ZFHX3: variants seen among roughly 807,000 people sequenced by gnomAD.
The protein encoded by ZFHX3 is zinc finger homeobox protein 3.
A neutral mutation model predicts 279.1 loss-of-function variants in ZFHX3; 42 were observed. The ratio of observed to expected loss-of-function variants is 0.15; its 90% CI spans 0.12 to 0.19. ZFHX3 has a LOEUF of 0.19. Ranked by LOEUF, ZFHX3 falls within the 10% of genes least tolerant of loss-of-function variation. The pLI, the probability that ZFHX3 is intolerant of heterozygous loss-of-function variation, is 1.00. For synonymous variants in ZFHX3, 2,293 were observed against 1,957.8 expected (o/e 1.17, Z -4.52); for missense variants, 4,981 against 4,754.0 (o/e 1.05, Z -1.40).
At chr16:73,619,873 A>G (rs1775325260) in intron 2 of ZFHX3, among the ~76,000 whole-genome samples, 1 of 152,100 alleles carries the variant, frequency 6.6e-6, no homozygotes, top group African/African-American at 2.4e-5. Flanking sequence ...GTCTCCATAA[A>G]CCTTACTATT....
chr16:72,795,954 C>T lies in ZFHX3; in HGVS notation c.6728G>A (p.Arg2243Lys), dbSNP rs966139814. Residue 2243 changes from arginine to lysine, a missense_variant, in exon 9 of 10, where the codon AGG (arginine) becomes AAG (lysine). This residue lies in a region of ZFHX3 where 177 missense variants were observed against 244.2 expected (regional missense o/e 0.72). Transcript: ENST00000268489. ...GTCCGTAAACCTTGTTCTTGAAGACCTCTTGCTTCCCCAGTACTCCTGCTT... is the reference window on the plus strand; with the variant it reads ...GTCCGTAAACCTTGTTCTTGAAGACTTCTTGCTTCCCCAGTACTCCTGCTT... ...PPKQEYWGSK[R>K]SSRTRFTDYQ... 1 of 1,614,180 alleles carries T rather than the reference C, an allele frequency of 6.2e-7. No homozygotes were observed.
chr16:72,800,083 G>T lies in ZFHX3; in HGVS notation c.3911C>A (p.Ala1304Glu). 6.2e-7 allele frequency: 1 copy of T among 1,614,194 alleles called. No homozygotes were observed. Among genetic ancestry groups the T allele is most frequent in the Non-Finnish European group, 8.5e-7 (1 of 1,180,038 alleles). The change falls in exon 8 of 10, where the codon GCA becomes GAA. Residue 1304 changes from alanine to glutamate, a missense_variant. By Grantham distance (107) the Ala-to-Glu change is moderately radical. Transcript: ENST00000268489. ...MVMPSSMFLP[A>E]AVPDRDGNSN... ...ATTCCCATCTCGATCTGGAACAGCT[G>T]CTGGGAGGAACATGCTGCTTGGCAT...
chr16:73,360,246 G>C (rs769338696), intron 3 of ZFHX3, among the ~76,000 whole-genome samples: 1 of 152,208 alleles, frequency 6.6e-6, no homozygotes, highest in Admixed American at 6.5e-5. Flanking sequence ...CGTGAGTTGC[G>C]TATAGACTAA....
intron 1 of ZFHX3, among the ~76,000 whole-genome samples, chr16:73,841,407 C>T (rs1358409518): frequency 2.0e-5 from 3 of 152,048 alleles, no homozygotes; most frequent in South Asian, 4.2e-4. Flanking sequence ...GGAGACATGG[C>T]GGACCAGGAA....
At chr16:73,606,386 T>C (rs1037615596) in intron 2 of ZFHX3, among the ~76,000 whole-genome samples, 2 of 150,746 alleles carry the variant, frequency 1.3e-5, no homozygotes, top group African/African-American at 4.9e-5. Flanking sequence ...CTCAGGAGGC[T>C]GAGGCAGGAG....
intron 1 of ZFHX3, among the ~76,000 whole-genome samples, chr16:73,778,872 G>A (rs1299941483): frequency 6.6e-6 from 1 of 152,184 alleles, no homozygotes; most frequent in Non-Finnish European, 1.5e-5. Flanking sequence ...TTCATATTAG[G>A]GAGCATCTGG....
chr16:73,890,070 T>C (rs1441791389), intron 1 of ZFHX3, among the ~76,000 whole-genome samples: 3 of 152,138 alleles, frequency 2.0e-5, no homozygotes, highest in Admixed American at 2.0e-4. Context: ...TTGTCTATAC[T>C]CTAGGAAGTC....
chr16:72,821,377 T>G (rs1217661766), intron 5 of ZFHX3, among the ~76,000 whole-genome samples: 3 of 152,178 alleles, frequency 2.0e-5, no homozygotes, highest in African/African-American at 4.8e-5. Context: ...TACAGAGAGA[T>G]AGACACCCTA....
At chr16:73,784,804 T>TACACAC (rs1567409719) in intron 1 of ZFHX3, among the ~76,000 whole-genome samples, 1 of 125,530 alleles carries the variant, frequency 8.0e-6, no homozygotes. Context: ...AAAATATATA[T>TACACAC]ATATATATAT....
At chr16:72,848,550 C>G (rs146944190) in intron 4 of ZFHX3, among the ~76,000 whole-genome samples, 3 of 152,252 alleles carry the variant, frequency 2.0e-5, no homozygotes, top group African/African-American at 7.2e-5. Context: ...TCTGGGCTGT[C>G]ACCTTCACTG....
chr16:72,928,268 C>CGGGTAGG (rs1959597986), intron 3 of ZFHX3, among the ~76,000 whole-genome samples: 1 of 105,330 alleles, frequency 9.5e-6, no homozygotes, highest in Non-Finnish European at 2.2e-5. Context: ...ATGGAAAGAG[C>CGGGTAGG]GGGTAGGAGG....
rs948121742 is a variant in ZFHX3, at chr16:72,838,522, G to A, written c.3449-8663C>T. On this transcript the variant is annotated intron_variant, in intron 4 of 9. Coordinates refer to ENST00000268489, the MANE Select transcript of ZFHX3 (RefSeq NM_006885.4). ...GGCCAGGGCCTATTAAGGCCTCCCC[G>A]AGAAAATTTCCCCTTTCAGCCGTCC... is the stretch of plus-strand genomic sequence containing the variant. Among the ~76,000 whole-genome samples the A allele has an allele frequency of 5.9e-5, 9 of 152,166 alleles. No homozygotes were observed. In the East Asian group the frequency reaches 1.2e-3, roughly 20 times the overall value.
chr16:73,445,733 G>A (rs915175259), intron 3 of ZFHX3, among the ~76,000 whole-genome samples: 3 of 152,202 alleles, frequency 2.0e-5, no homozygotes, highest in African/African-American at 7.2e-5. Flanking sequence ...TTCTGAGGCT[G>A]CTGCACTGCC....
At chr16:73,393,965 TATATATATC>T (rs1299226977) in intron 3 of ZFHX3, among the ~76,000 whole-genome samples, 8 of 147,124 alleles carry the variant, frequency 5.4e-5, no homozygotes, top group East Asian at 3.9e-4. Flanking sequence ...TATTATAAAG[TATATATATC>T]ATATATATCA....
chr16:73,632,517 C>T (rs1486286985), intron 2 of ZFHX3, among the ~76,000 whole-genome samples: 1 of 151,672 alleles, frequency 6.6e-6, no homozygotes, highest in Non-Finnish European at 1.5e-5. Context: ...GAAACCCCAT[C>T]TCTACTAAAA....
At chr16:73,655,350 C>T (rs1386587887) in intron 2 of ZFHX3, among the ~76,000 whole-genome samples, 1 of 152,130 alleles carries the variant, frequency 6.6e-6, no homozygotes, top group African/African-American at 2.4e-5. Flanking sequence ...GGAAACTAAA[C>T]TGCCATTATT....
intron 3 of ZFHX3, among the ~76,000 whole-genome samples, chr16:72,925,482 G>A (rs994848919): frequency 6.6e-6 from 1 of 152,214 alleles, no homozygotes; most frequent in Non-Finnish European, 1.5e-5. Flanking sequence ...CAGGCTAAAT[G>A]GTCCCCAACC....
intron 2 of ZFHX3, among the ~76,000 whole-genome samples, chr16:73,639,772 A>G (rs999966510): frequency 6.6e-6 from 1 of 152,198 alleles, no homozygotes; most frequent in Non-Finnish European, 1.5e-5. Flanking sequence ...TAACAGTAAA[A>G]GACTAAAAAA....
At chr16:73,509,821 G>A (rs1232182040) in intron 2 of ZFHX3, among the ~76,000 whole-genome samples, 2 of 151,290 alleles carry the variant, frequency 1.3e-5, no homozygotes, top group African/African-American at 2.4e-5. Context: ...TCAGCCTCCC[G>A]AGTAGCTGGG....
Sources: gnomAD v4.1 joint callset for allele counts (sites outside exome capture counted in the v4.1 genomes callset) on GRCh38, gnomAD v4.1.1 for gene constraint, gnomAD v4.1.1 regional missense constraint, MANE v1.5 for transcripts, NCBI Gene and HGNC (gene_info 2026-07-23, HGNC 2026-07-21) for gene names.